Variants in GLRB observed in about 807,000 individuals in gnomAD.
GLRB encodes glycine receptor subunit beta.
Under a neutral mutation model 54.2 loss-of-function variants are expected in GLRB, and 33 were observed. That is an observed-to-expected ratio of 0.61 (90% CI 0.46 to 0.81). The LOEUF (loss-of-function observed/expected upper bound fraction) is 0.81. Ranked by LOEUF, GLRB falls within the 40% of genes least tolerant of loss-of-function variation. The probability of loss-of-function intolerance (pLI) is 0.00; values close to 1 mark genes in which losing one functional copy is unlikely to be tolerated. For synonymous variants in GLRB, 209 were observed against 208.2 expected (o/e 1.00, Z -0.03); for missense variants, 572 against 584.6 (o/e 0.98, Z 0.22).
At chr4:157,091,741 A>G (rs551756981) in intron 2 of GLRB, among the ~76,000 whole-genome samples, 4 of 152,014 alleles carry the variant, frequency 2.6e-5, no homozygotes, top group East Asian at 1.9e-4. Context: ...TCTCTTTTCA[A>G]TTCTGCTCTG....
Position 157,143,928 on chromosome 4 carries a change from C to A in GLRB, c.873C>A (p.Asn291Lys), listed in dbSNP as rs1736710455. 3 of 1,613,948 alleles carry A rather than the reference C, an allele frequency of 1.9e-6. No homozygotes were observed. In the Admixed American group the frequency reaches 5.0e-5, roughly 27 times the overall value. ...TCTCCTGGCTTTCCTTCTGGATCAA[C>A]CCGGACGCGAGTGCTGCCAGAGTGC... Reference protein sequence around the residue: ...VVLSWLSFWINPDASAARVPL... With the variant: ...VVLSWLSFWIKPDASAARVPL... The change falls in exon 8 of 10, where the codon AAC (asparagine) becomes AAA (lysine). Residue 291 changes from asparagine to lysine, a missense_variant. Physicochemically the swap from Asn to Lys is moderately conservative, Grantham distance 94 (BLOSUM62 0). Transcript: ENST00000264428.
At chr4:157,081,843 G>A (rs977187447) in intron 2 of GLRB, among the ~76,000 whole-genome samples, 1 of 152,078 alleles carries the variant, frequency 6.6e-6, no homozygotes, top group African/African-American at 2.4e-5. Flanking sequence ...ACACTTTAAA[G>A]GACACCATAG....
Position 157,170,745 on chromosome 4 carries a change from G to A in GLRB, c.*17G>A. On this transcript the variant is annotated 3_prime_UTR_variant, in exon 10 of 10. Coordinates refer to ENST00000264428, the MANE Select transcript of GLRB (RefSeq NM_000824.5). The stretch of plus-strand genomic sequence containing the variant: ...TATTTATGATAAATCTTTTCCATTT[G>A]TACAAAATAAAATTCCATTTCATTG... 2 of 1,363,250 alleles carry A rather than the reference G, an allele frequency of 1.5e-6. No homozygotes were observed. Among genetic ancestry groups the A allele is most frequent in the Non-Finnish European group, 2.0e-6 (2 of 1,006,106 alleles). The allele number at this position is 1,363,250 out of a possible 1,614,324, so 84.4% of individuals were successfully genotyped here.
chr4:157,171,858 G>C lies in GLRB; in HGVS notation c.*1130G>C, dbSNP rs1362169768. ...TAGACAACTGAGATTTACTTACTTTGAACTTGTTCCAATCCAAAAGTAAGC... is the reference window on the plus strand; with the variant it reads ...TAGACAACTGAGATTTACTTACTTTCAACTTGTTCCAATCCAAAAGTAAGC... On this transcript the variant is annotated 3_prime_UTR_variant, in exon 10 of 10. Coordinates refer to ENST00000264428, the MANE Select transcript of GLRB (RefSeq NM_000824.5). The C allele has an allele frequency of 6.6e-6, 1 of 151,558 alleles. No homozygotes were observed. The highest frequency in any genetic ancestry group is 1.5e-5 in the Non-Finnish European group (1 of 67,698). 9.4% of individuals were successfully genotyped at this position (151,558 alleles called of 1,614,324 possible). A position where few individuals can be genotyped will look rare whatever the true frequency, so the allele number is the denominator to read the frequency against.
intron 9 of GLRB, among the ~76,000 whole-genome samples, chr4:157,163,033 T>G (rs1332761456): frequency 1.3e-5 from 2 of 152,156 alleles, no homozygotes; most frequent in Non-Finnish European, 2.9e-5. Flanking sequence ...GCTTCAGCAA[T>G]GGCGGACACC....
At chr4:157,077,958 CT>C in intron 1 of GLRB, 37 bp from the exon 2 acceptor site, 1 of 1,375,832 alleles carries the variant, frequency 7.3e-7, no homozygotes, top group African/African-American at 1.4e-5. Context: ...TTATCATTTT[CT>C]TCATAAATGT....
intron 9 of GLRB, among the ~76,000 whole-genome samples, chr4:157,154,931 C>T (rs1737169473): frequency 1.3e-5 from 2 of 152,114 alleles, no homozygotes; most frequent in Admixed American, 6.5e-5. Flanking sequence ...TCTCTTTCAT[C>T]CCTTAAGCTG....
intron 2 of GLRB, among the ~76,000 whole-genome samples, chr4:157,114,733 A>G (rs1354673479): frequency 6.6e-6 from 1 of 151,826 alleles, no homozygotes; most frequent in Non-Finnish European, 1.5e-5. Flanking sequence ...GATGTCCTTC[A>G]GATGGGATTT....
In GLRB at chr4:157,143,934, C is replaced by T. The variant is rs201323247; in HGVS notation, c.879C>T (p.Asp293=). Residue 293 remains aspartate (D), a synonymous_variant, in exon 8 of 10, where the codon GAC becomes GAT. Transcript: ENST00000264428. The part of the protein sequence containing the change: ...LSWLSFWINP[D]ASAARVPLGI... Reference sequence around the variant, plus strand: ...GGCTTTCCTTCTGGATCAACCCGGACGCGAGTGCTGCCAGAGTGCCCCTGG... The same window carrying T: ...GGCTTTCCTTCTGGATCAACCCGGATGCGAGTGCTGCCAGAGTGCCCCTGG... The T allele has an allele frequency of 2.4e-5, 39 of 1,613,918 alleles. No individual in the cohort carries two copies. Among genetic ancestry groups the T allele is most frequent in the South Asian group, 7.7e-5 (7 of 91,086 alleles).
At chr4:157,139,353 T>G (rs1202601169) in intron 7 of GLRB, among the ~76,000 whole-genome samples, 5 of 152,106 alleles carry the variant, frequency 3.3e-5, no homozygotes, top group African/African-American at 1.2e-4. Context: ...TTTTAGATGG[T>G]GGTTGGCCCA....
chr4:157,143,930 C>T lies in GLRB; in HGVS notation c.875C>T (p.Pro292Leu), dbSNP rs1434395347. ...VLSWLSFWIN[P>L]DASAARVPLG... Reference sequence around the variant, plus strand: ...TCCTGGCTTTCCTTCTGGATCAACCCGGACGCGAGTGCTGCCAGAGTGCCC... The same window carrying T: ...TCCTGGCTTTCCTTCTGGATCAACCTGGACGCGAGTGCTGCCAGAGTGCCC... The change falls in exon 8 of 10, where the codon CCG becomes CTG. Residue 292 changes from proline to leucine, a missense_variant. Transcript: ENST00000264428. The T allele has an allele frequency of 3.7e-6, 6 of 1,613,864 alleles. No homozygotes were observed. Among genetic ancestry groups the T allele is most frequent in the Admixed American group, 1.7e-5 (1 of 59,986 alleles).
chr4:157,115,378 TA>T (rs1238128089), intron 2 of GLRB, among the ~76,000 whole-genome samples: 1 of 151,382 alleles, frequency 6.6e-6, no homozygotes, highest in Non-Finnish European at 1.5e-5. Flanking sequence ...TAATGACTAA[TA>T]ACATCACGGT....
intron 3 of GLRB, 69 bp from the exon 4 acceptor site, chr4:157,122,261 A>G (rs1735852753): frequency 1.5e-6 from 1 of 656,724 alleles, no homozygotes; most frequent in African/African-American, 1.9e-5. Context: ...TGTGCAAACC[A>G]AAAAAACTAT....
At chr4:157,159,109 C>T (rs186125590) in intron 9 of GLRB, among the ~76,000 whole-genome samples, 16 of 152,238 alleles carry the variant, frequency 1.1e-4, no homozygotes, top group African/African-American at 2.4e-4. Flanking sequence ...AATGGGAGTT[C>T]GCTCATGATT....
chr4:157,080,398 A>T (rs1371570649), intron 2 of GLRB, among the ~76,000 whole-genome samples: 1 of 152,184 alleles, frequency 6.6e-6, no homozygotes, highest in African/African-American at 2.4e-5. Context: ...ATGCTGCTGG[A>T]AGTCTGGCTT....
intron 4 of GLRB, among the ~76,000 whole-genome samples, chr4:157,125,499 C>A (rs975226499): frequency 1.3e-5 from 2 of 151,920 alleles, no homozygotes; most frequent in East Asian, 1.9e-4. Context: ...CATACATTAG[C>A]AAATTAATTT....
chr4:157,153,279 C>G (rs1395850254), intron 9 of GLRB, among the ~76,000 whole-genome samples: 1 of 152,196 alleles, frequency 6.6e-6, no homozygotes. Context: ...AAGGATTCAA[C>G]TCTGCTTTGA....
intron 2 of GLRB, among the ~76,000 whole-genome samples, chr4:157,080,932 T>G (rs1215643419): frequency 1.3e-5 from 2 of 152,124 alleles, no homozygotes; most frequent in Non-Finnish European, 2.9e-5. Flanking sequence ...AGAGGAAACA[T>G]GTTTTAAAAT....
In GLRB at chr4:157,078,230, A is replaced by G. The variant is rs77146823; in HGVS notation, c.122+84A>G. ...AGTAAGGTGGTTTATGAAGACACAC[A>G]TCAACAAAACTTTTCATATCGGAAT... On this transcript the variant is annotated intron_variant, in intron 2 of 9. Transcript: ENST00000264428. 3,725 of 1,589,332 alleles carry G rather than the reference A, an allele frequency of 2.3e-3. 73 individuals are homozygous for G. In the African/African-American group the frequency reaches 0.043, roughly 18 times the overall value.
Sources: gnomAD v4.1 joint callset for allele counts (sites outside exome capture counted in the v4.1 genomes callset) on GRCh38, gnomAD v4.1.1 for gene constraint, MANE v1.5 for transcripts, NCBI Gene and HGNC (gene_info 2026-07-23, HGNC 2026-07-21) for gene names.